LYPD6: variants seen among roughly 807,000 people sequenced by gnomAD.
LYPD6 encodes the protein ly6/PLAUR domain-containing protein 6.
Under a neutral mutation model 22.7 loss-of-function variants are expected in LYPD6, and 15 were observed. The ratio of observed to expected loss-of-function variants is 0.66; its 90% CI spans 0.44 to 1.02. LYPD6 has a LOEUF of 1.02. LYPD6 is among the 50% of genes least tolerant of loss of function. The probability of loss-of-function intolerance (pLI) is 0.00; values close to 1 mark genes in which losing one functional copy is unlikely to be tolerated. For synonymous variants in LYPD6, 72 were observed against 77.5 expected (o/e 0.93, Z 0.37); for missense variants, 189 against 208.4 (o/e 0.91, Z 0.57).
intron 1 of LYPD6, among the ~76,000 whole-genome samples, chr2:149,434,750 A>G (rs548915038): frequency 3.3e-5 from 5 of 152,134 alleles, no homozygotes; most frequent in Non-Finnish European, 4.4e-5. Context: ...GAGGCAGGGA[A>G]AGTAAGGATA....
At chr2:149,343,358 G>A (rs1442677940) in intron 1 of LYPD6, among the ~76,000 whole-genome samples, 1 of 152,168 alleles carries the variant, frequency 6.6e-6, no homozygotes, top group African/African-American at 2.4e-5. Context: ...GATCCTATCT[G>A]ATTCCTGTCC....
At chr2:149,409,032 G>A (rs79758274) in intron 1 of LYPD6, among the ~76,000 whole-genome samples, 3,369 of 152,270 alleles carry the variant, frequency 0.022, 106 homozygotes, top group African/African-American at 0.077. Flanking sequence ...CATTTGAGTA[G>A]ATGATGTCAT....
At chr2:149,484,167 C>T in the LYPD6 span, among the ~76,000 whole-genome samples, 8 of 152,190 alleles carry the variant, frequency 5.3e-5, no homozygotes, top group Non-Finnish European at 1.2e-4. Context: ...ATAGTACTGT[C>T]AACTGATTTA....
At position 149,408,986 on chromosome 2, in the gene LYPD6, T is replaced by A. The variant is rs536345142; in HGVS notation, c.-71-28652T>A. ...TCTTTTGGGGGTGTTAACCTTGTTT[T>A]GTCATATTACCAGAATTGTTTTTCT... On this transcript the variant is annotated intron_variant, in intron 1 of 4. Transcript: ENST00000334166. Among the ~76,000 whole-genome samples the A allele has an allele frequency of 1.7e-4, 26 of 152,326 alleles. No individual in the cohort carries two copies. The South Asian group carries it at 3.9e-3, about 23-fold the overall frequency.
intron 3 of LYPD6, among the ~76,000 whole-genome samples, chr2:149,455,472 A>G (rs912994330): frequency 2.0e-5 from 3 of 151,878 alleles, no homozygotes; most frequent in Non-Finnish European, 4.4e-5. Flanking sequence ...GTTAGCCAGG[A>G]TGGTCTCAAT....
intron 1 of LYPD6, among the ~76,000 whole-genome samples, chr2:149,395,267 C>T (rs1423428223): frequency 6.6e-6 from 1 of 152,068 alleles, no homozygotes; most frequent in East Asian, 1.9e-4. Context: ...GTTCCTATGC[C>T]ATGTTTTCAT....
intron 3 of LYPD6, among the ~76,000 whole-genome samples, chr2:149,468,427 G>C (rs1036685056): frequency 3.9e-5 from 6 of 152,126 alleles, no homozygotes; most frequent in Non-Finnish European, 8.8e-5. Context: ...GAATAATGCT[G>C]GGCAGAGAAA....
At chr2:149,484,180 T>C in the LYPD6 span, among the ~76,000 whole-genome samples, 2 of 152,206 alleles carry the variant, frequency 1.3e-5, no homozygotes, top group Admixed American at 6.5e-5. Flanking sequence ...CTGATTTAGG[T>C]TGAAGTTTAC....
intron 3 of LYPD6, among the ~76,000 whole-genome samples, chr2:149,455,229 G>A (rs141275605): frequency 7.1e-4 from 106 of 150,334 alleles, no homozygotes; most frequent in African/African-American, 2.5e-3. Flanking sequence ...TATAATTCTC[G>A]GAATTAGTCT....
At chr2:149,443,563 A>T (rs1295735655) in intron 2 of LYPD6, among the ~76,000 whole-genome samples, 1 of 152,180 alleles carries the variant, frequency 6.6e-6, no homozygotes, top group African/African-American at 2.4e-5. Flanking sequence ...TTAAAGTCCA[A>T]TCTTTGAAAG....
At chr2:149,330,928 C>T (rs1296996703) in intron 1 of LYPD6, among the ~76,000 whole-genome samples, 1 of 152,140 alleles carries the variant, frequency 6.6e-6, no homozygotes, top group Admixed American at 6.5e-5. Flanking sequence ...CCGCGAGTAG[C>T]CTGGACGGGT....
chr2:149,397,513 G>A (rs1055134389), intron 1 of LYPD6, among the ~76,000 whole-genome samples: 13 of 152,174 alleles, frequency 8.5e-5, no homozygotes, highest in African/African-American at 3.1e-4. Flanking sequence ...TTGAGTTGGA[G>A]GAGTGGCACA....
At chr2:149,341,622 T>C (rs1681163263) in intron 1 of LYPD6, among the ~76,000 whole-genome samples, 1 of 152,180 alleles carries the variant, frequency 6.6e-6, no homozygotes, top group Non-Finnish European at 1.5e-5. Context: ...ACAAAATACC[T>C]GAGACTGGGA....
At chr2:149,435,932 T>C (rs893641401) in intron 1 of LYPD6, among the ~76,000 whole-genome samples, 2 of 152,242 alleles carry the variant, frequency 1.3e-5, no homozygotes, top group Non-Finnish European at 2.9e-5. Flanking sequence ...ATGTTATGCA[T>C]TTTATGGTTT....
At chr2:149,446,236 C>T (rs1415971912) in intron 2 of LYPD6, among the ~76,000 whole-genome samples, 3 of 152,162 alleles carry the variant, frequency 2.0e-5, no homozygotes, top group African/African-American at 4.8e-5. Flanking sequence ...GATCACAAGT[C>T]ACCATACAGA....
intron 1 of LYPD6, among the ~76,000 whole-genome samples, chr2:149,376,507 T>G (rs1484609675): frequency 6.6e-6 from 1 of 152,106 alleles, no homozygotes. Flanking sequence ...CAGATAAACC[T>G]AATCTCCTAA....
At chr2:149,392,202 C>G (rs1376783677) in intron 1 of LYPD6, among the ~76,000 whole-genome samples, 1 of 152,156 alleles carries the variant, frequency 6.6e-6, no homozygotes, top group Non-Finnish European at 1.5e-5. Flanking sequence ...CTGAACTCAT[C>G]TAACCCTAAT....
chr2:149,462,147 A>G (rs1681101109), intron 3 of LYPD6, among the ~76,000 whole-genome samples: 1 of 152,066 alleles, frequency 6.6e-6, no homozygotes. Flanking sequence ...GAAAATTCCA[A>G]CAAATCTAAA....
intron 2 of LYPD6, among the ~76,000 whole-genome samples, chr2:149,438,841 T>C (rs1382341225): frequency 6.6e-6 from 1 of 152,202 alleles, no homozygotes; most frequent in East Asian, 1.9e-4. Context: ...TGACCTAGGG[T>C]CAGCAACTAG....
Sources: allele counts gnomAD v4.1 joint callset (sites outside exome capture counted in the v4.1 genomes callset), GRCh38; gene constraint gnomAD v4.1.1; transcripts MANE v1.5; gene names NCBI Gene and HGNC (gene_info 2026-07-23, HGNC 2026-07-21).